OTOA: variants seen among roughly 807,000 people sequenced by gnomAD.
OTOA encodes otoancorin.
A neutral mutation model predicts 110.8 loss-of-function variants in OTOA; 70 were observed. The observed-to-expected ratio is 0.63, with a 90% CI of 0.52 to 0.77. OTOA has a LOEUF of 0.77. OTOA is among the 30% of genes least tolerant of loss of function. The pLI, the probability that OTOA is intolerant of heterozygous loss-of-function variation, is 0.00. For synonymous variants in OTOA, 373 were observed against 431.5 expected, an observed-to-expected ratio of 0.86 and a Z score of 1.68; for missense variants, 917 against 1,075.8, an observed-to-expected ratio of 0.85 and a Z score of 2.06.
At chr16:21,720,099 G>T (rs910910716) in intron 17 of OTOA, among the ~76,000 whole-genome samples, 1 of 152,018 alleles carries the variant, frequency 6.6e-6, no homozygotes, top group Non-Finnish European at 1.5e-5. Flanking sequence ...GGAACTAAAG[G>T]CACACACCAC....
At chr16:21,718,649 G>A (rs894606756) in intron 15 of OTOA, among the ~76,000 whole-genome samples, 1 of 152,116 alleles carries the variant, frequency 6.6e-6, no homozygotes, top group African/African-American at 2.4e-5. Flanking sequence ...TGTCTACTAG[G>A]CATTGTTCTA....
intron 7 of OTOA, 74 bp from the exon 8 acceptor site, chr16:21,687,339 T>G (rs1897736218): frequency 8.4e-7 from 1 of 1,191,498 alleles, no homozygotes; most frequent in Non-Finnish European, 1.3e-6. Flanking sequence ...ACTGTTGCAA[T>G]GTGTGGTCCC....
At chr16:21,719,582 A>C (rs895181631) in intron 17 of OTOA, 78 bp downstream of exon 17, 3 of 1,307,070 alleles carry the variant, frequency 2.3e-6, no homozygotes, top group African/African-American at 2.9e-5. Flanking sequence ...TGTGGCATCT[A>C]AAGATCTTTA....
chr16:21,707,075 G>A lies in OTOA; in HGVS notation c.1104+1783G>A, dbSNP rs1055392742. Among the ~76,000 whole-genome samples, 3 of 151,732 alleles carry A rather than the reference G, an allele frequency of 2.0e-5. 1 individual carries two copies. In the East Asian group the frequency reaches 5.8e-4, roughly 29 times the overall value. The stretch of plus-strand genomic sequence containing the variant: ...AGATGGGGTTTTACCATGTTGACTA[G>A]GCTGGTCTTGAACTCCTGACCTCAA... On this transcript the variant is annotated intron_variant, in intron 12 of 28. Coordinates refer to ENST00000646100, the MANE Select transcript of OTOA (RefSeq NM_144672.4).
intron 11 of OTOA, among the ~76,000 whole-genome samples, chr16:21,702,707 C>T (rs970586799): frequency 2.0e-4 from 31 of 152,312 alleles, no homozygotes; most frequent in African/African-American, 5.5e-4. Context: ...GACGGAGTCT[C>T]ACTCTGTCGC....
chr16:21,664,006 G>T lies in OTOA; in HGVS notation c.-231G>T, dbSNP rs1362367491. Reference sequence around the variant, plus strand: ...GTGGCTGGGGAGCAGGCATTTGTGCGTCTTGCAAGCTTCGACAGATAGGAA... The same window carrying T: ...GTGGCTGGGGAGCAGGCATTTGTGCTTCTTGCAAGCTTCGACAGATAGGAA... On this transcript the variant is annotated 5_prime_UTR_variant, in exon 1 of 29. Transcript: ENST00000646100. 6.6e-6 allele frequency: 1 copy of T among 152,262 alleles called. No homozygotes were observed. Among genetic ancestry groups the T allele is most frequent in the African/African-American group, 2.4e-5 (1 of 41,468 alleles). 9.4% of individuals were successfully genotyped at this position (152,262 alleles called of 1,614,324 possible).
chr16:21,726,480 G>A (rs764554951), intron 18 of OTOA, 43 bp from the exon 19 acceptor site: 1 of 1,612,068 alleles, frequency 6.2e-7, no homozygotes, highest in Non-Finnish European at 8.5e-7. Context: ...GCCAACAGGA[G>A]CAGCCATGTG....
chr16:21,707,635 TTCTTTCTTTC>T (rs1567379459), intron 12 of OTOA, among the ~76,000 whole-genome samples: 1 of 113,380 alleles, frequency 8.8e-6, no homozygotes. Context: ...CTTTCTTTCT[TTCTTTCTTTC>T]TTTCTTTCTT....
At chr16:21,721,049 G>A (rs1305081541) in intron 17 of OTOA, among the ~76,000 whole-genome samples, 1 of 151,310 alleles carries the variant, frequency 6.6e-6, no homozygotes, top group East Asian at 1.9e-4. Context: ...TGTCTAACTG[G>A]GATTCTAGGT....
At chr16:21,690,311 G>A (rs1897802887) in intron 8 of OTOA, among the ~76,000 whole-genome samples, 1 of 151,994 alleles carries the variant, frequency 6.6e-6, no homozygotes, top group South Asian at 2.1e-4. Flanking sequence ...AGCCCAGCAT[G>A]CATTAGATAT....
Position 21,678,568 on chromosome 16 carries a change from T to G in OTOA, c.54T>G (p.His18Gln), listed in dbSNP as rs1319997267. Residue 18 changes from histidine to glutamine, a missense_variant, in exon 2 of 29, where the codon CAT becomes CAG. By Grantham distance (24) the His-to-Gln change is conservative. Transcript: ENST00000646100. ...TTTTCCTATTCCTTTTTCTGAGCCA[T>G]GGAGTGTCGAGTTATACAGTGCCAA... ...YSLFLFLFLS[H>Q]GVSSYTVPNS... The G allele has an allele frequency of 6.2e-7, 1 of 1,613,944 alleles. No homozygotes were observed. The highest frequency in any genetic ancestry group is 2.2e-5 in the East Asian group (1 of 44,850).
At chr16:21,708,199 C>T (rs1049065628) in intron 12 of OTOA, among the ~76,000 whole-genome samples, 1 of 152,152 alleles carries the variant, frequency 6.6e-6, no homozygotes, top group African/African-American at 2.4e-5. Flanking sequence ...TGCAACTAGA[C>T]GGTCCCATCT....
chr16:21,671,318 G>A (rs1966848706), intron 1 of OTOA, among the ~76,000 whole-genome samples: 1 of 151,992 alleles, frequency 6.6e-6, no homozygotes, highest in Non-Finnish European at 1.5e-5. Context: ...CGGGCTCAGT[G>A]GCTCACACCT....
rs568614855 is a variant in OTOA, at chr16:21,688,614, A to G, written c.635+966A>G. On this transcript the variant is annotated intron_variant, in intron 8 of 28. Coordinates refer to ENST00000646100, the MANE Select transcript of OTOA (RefSeq NM_144672.4). ...TGGGAAGTCCAAGATCAAGGTGCTG[A>G]CAGACTTGGTGTCTGGTGAGGGCTC... Among the ~76,000 whole-genome samples the G allele has an allele frequency of 2.6e-5, 4 of 152,206 alleles. No individual in the cohort carries two copies. In the East Asian group the frequency reaches 7.7e-4, roughly 29 times the overall value.
chr16:21,735,601 G>GT (rs980474858), intron 21 of OTOA, among the ~76,000 whole-genome samples: 3 of 151,700 alleles, frequency 2.0e-5, no homozygotes, highest in Non-Finnish European at 4.4e-5. Context: ...CATTTTTTTT[G>GT]TTTTTTTCTG....
Position 21,706,838 on chromosome 16 carries a change from T to A in OTOA, c.1104+1546T>A, listed in dbSNP as rs1017129624. On this transcript the variant is annotated intron_variant, in intron 12 of 28. Coordinates refer to ENST00000646100, the MANE Select transcript of OTOA (RefSeq NM_144672.4). ...GTCAGCGCATCTTTTTTTTTTTTTT[T>A]ATAAGATTCATTTTTTTTTTTTTTT... Among the ~76,000 whole-genome samples the A allele has an allele frequency of 2.2e-4, 33 of 148,076 alleles. No individual in the cohort carries two copies. In the East Asian group the frequency reaches 3.1e-3, roughly 14 times the overall value.
At chr16:21,715,442 T>G (rs1567385603) in intron 14 of OTOA, among the ~76,000 whole-genome samples, 1 of 148,678 alleles carries the variant, frequency 6.7e-6, no homozygotes, top group Non-Finnish European at 1.5e-5. Flanking sequence ...GGTTCAAGTT[T>G]GTTTTTTTTT....
At chr16:21,684,500 T>C (rs1388039475) in intron 6 of OTOA, 14 of 1,549,934 alleles carry the variant, frequency 9.0e-6, no homozygotes, top group Non-Finnish European at 1.2e-5. Context: ...CTAAACTTCC[T>C]GGACAAAGGC....
chr16:21,694,852 C>T (rs1229904506), intron 9 of OTOA, among the ~76,000 whole-genome samples: 1 of 152,200 alleles, frequency 6.6e-6, no homozygotes, highest in Non-Finnish European at 1.5e-5. Context: ...AGAATTCCCT[C>T]TGCCTGGTGC....
Sources: gnomAD v4.1 joint callset for allele counts (sites outside exome capture counted in the v4.1 genomes callset) on GRCh38, gnomAD v4.1.1 for gene constraint, MANE v1.5 for transcripts, NCBI Gene and HGNC (gene_info 2026-07-23, HGNC 2026-07-21) for gene names.